Variants in NDST4 observed in about 807,000 individuals in gnomAD.
NDST4 encodes N-deacetylase and N-sulfotransferase 4.
In NDST4, 63 loss-of-function variants were observed where a neutral mutation model predicts 100.8. The ratio of observed to expected loss-of-function variants is 0.62; its 90% CI spans 0.51 to 0.77. NDST4 has a LOEUF of 0.77. Ranked by LOEUF, NDST4 falls within the 30% of genes least tolerant of loss-of-function variation. The pLI is 0.00. For missense variants in NDST4, 943 were observed against 1,018.4 expected (o/e 0.93, Z 1.01); for synonymous variants, 377 against 361.8 (o/e 1.04, Z -0.48).
At chr4:114,951,542 T>C (rs1218188252) in intron 4 of NDST4, among the ~76,000 whole-genome samples, 5 of 152,122 alleles carry the variant, frequency 3.3e-5, no homozygotes, top group Non-Finnish European at 7.4e-5. Context: ...TTTGAAACAC[T>C]TATGTGCCAA....
At chr4:115,030,961 A>T (rs1036756267) in intron 2 of NDST4, among the ~76,000 whole-genome samples, 3 of 152,098 alleles carry the variant, frequency 2.0e-5, no homozygotes, top group African/African-American at 7.2e-5. Context: ...AGCCAATATA[A>T]CTAGTTGAAT....
intron 6 of NDST4, among the ~76,000 whole-genome samples, chr4:114,889,591 A>G (rs2126205448): frequency 6.6e-6 from 1 of 152,358 alleles, no homozygotes; most frequent in South Asian, 2.1e-4. Context: ...AAGGTGCAGC[A>G]AAGTTGATAA....
chr4:114,977,454 A>G (rs181788504), intron 2 of NDST4, among the ~76,000 whole-genome samples, 180 bp from the exon 3 acceptor site: 12 of 152,004 alleles, frequency 7.9e-5, no homozygotes, highest in Admixed American at 2.6e-4. Flanking sequence ...CATTATTTTT[A>G]TTGAAGGTCA....
intron 2 of NDST4, among the ~76,000 whole-genome samples, chr4:115,031,148 C>G (rs563510181): frequency 1.4e-3 from 216 of 152,122 alleles, no homozygotes; most frequent in African/African-American, 4.8e-3. Context: ...TGATTTAATA[C>G]ACATCTTCAA....
At chr4:115,025,548 A>G (rs915572588) in intron 2 of NDST4, among the ~76,000 whole-genome samples, 1 of 152,150 alleles carries the variant, frequency 6.6e-6, no homozygotes, top group Non-Finnish European at 1.5e-5. Context: ...ATTTAAATTT[A>G]TTAGTAGGTT....
At chr4:114,873,502 A>G (rs910298121) in intron 6 of NDST4, among the ~76,000 whole-genome samples, 1 of 151,944 alleles carries the variant, frequency 6.6e-6, no homozygotes, top group Non-Finnish European at 1.5e-5. Context: ...TTTAACTTAA[A>G]TTTCTACCTA....
chr4:114,994,613 G>C (rs1041545957), intron 2 of NDST4, among the ~76,000 whole-genome samples: 11 of 152,012 alleles, frequency 7.2e-5, no homozygotes, highest in Non-Finnish European at 1.5e-4. Flanking sequence ...TCAGTTGACT[G>C]AGATGAATAG....
chr4:114,986,833 T>TATATATA (rs397953439), intron 2 of NDST4, among the ~76,000 whole-genome samples: 1 of 92,922 alleles, frequency 1.1e-5, no homozygotes, highest in East Asian at 3.1e-4. Context: ...TATATATATA[T>TATATATA]TTTAATATAC....
In NDST4 at chr4:114,980,722, T is replaced by C. The variant is rs959606797; in HGVS notation, c.979-3448A>G. ...TTGACAATATACATTATTTATTTAA[T>C]AGTCTGCATGACATAACAAACAATA... On this transcript the variant is annotated intron_variant, in intron 2 of 13. Coordinates refer to ENST00000264363, the MANE Select transcript of NDST4 (RefSeq NM_022569.3). 1.2e-4 allele frequency among the ~76,000 whole-genome samples: 18 copies of C among 152,236 alleles called. No individual in the cohort carries two copies. The East Asian group carries it at 3.3e-3, about 28-fold the overall frequency.
chr4:115,062,404 AAAT>A, intron 2 of NDST4, among the ~76,000 whole-genome samples: 1 of 152,082 alleles, frequency 6.6e-6, no homozygotes, highest in East Asian at 1.9e-4. Context: ...TTTAAATAAT[AAAT>A]AAGGCCAGTA....
chr4:114,953,060 T>C lies in NDST4; in HGVS notation c.1222-15557A>G, dbSNP rs543557740. The stretch of plus-strand genomic sequence containing the variant: ...TTTTTTTTTTTGTGGGAAGGCCTTG[T>C]CCATTTCTCCCAGAGACCATCAGCT... On this transcript the variant is annotated intron_variant, in intron 4 of 13. Coordinates refer to ENST00000264363, the MANE Select transcript of NDST4 (RefSeq NM_022569.3). Among the ~76,000 whole-genome samples the C allele has an allele frequency of 6.0e-5, 9 of 150,678 alleles. No individual in the cohort carries two copies. In the East Asian group the frequency reaches 1.6e-3, roughly 26 times the overall value.
intron 1 of NDST4, among the ~76,000 whole-genome samples, chr4:115,099,009 T>C (rs1729676509): frequency 6.6e-6 from 1 of 152,186 alleles, no homozygotes; most frequent in Non-Finnish European, 1.5e-5. Flanking sequence ...TGCCCAGATG[T>C]CAAGTATCTT....
At chr4:115,094,473 T>A (rs1055122303) in intron 1 of NDST4, among the ~76,000 whole-genome samples, 1 of 152,048 alleles carries the variant, frequency 6.6e-6, no homozygotes, top group East Asian at 1.9e-4. Flanking sequence ...ACAAACAACA[T>A]AATTCATGAA....
chr4:115,016,885 A>C (rs1472727264), intron 2 of NDST4, among the ~76,000 whole-genome samples: 1 of 152,064 alleles, frequency 6.6e-6, no homozygotes, highest in Non-Finnish European at 1.5e-5. Context: ...TAGAATGGGC[A>C]GTAGAAGAAG....
chr4:115,050,702 T>A (rs1260644578), intron 2 of NDST4, among the ~76,000 whole-genome samples: 3 of 152,136 alleles, frequency 2.0e-5, no homozygotes, highest in Non-Finnish European at 4.4e-5. Flanking sequence ...CAGGTACAAC[T>A]GGGAGGAAAC....
intron 2 of NDST4, among the ~76,000 whole-genome samples, chr4:115,006,792 A>G (rs1727429192): frequency 6.6e-6 from 1 of 152,142 alleles, no homozygotes; most frequent in Non-Finnish European, 1.5e-5. Context: ...TTACAGAGAC[A>G]TATGTAGAAT....
At chr4:114,988,989 C>A (rs1447004279) in intron 2 of NDST4, among the ~76,000 whole-genome samples, 4 of 152,092 alleles carry the variant, frequency 2.6e-5, no homozygotes, top group Non-Finnish European at 5.9e-5. Flanking sequence ...TGTGGAAAGT[C>A]TCTCCCTCTG....
chr4:115,067,512 T>C (rs549764028), intron 2 of NDST4, among the ~76,000 whole-genome samples: 2 of 152,066 alleles, frequency 1.3e-5, no homozygotes, highest in Admixed American at 6.5e-5. Flanking sequence ...TTAGTAATAT[T>C]GAGGTTTTTT....
intron 2 of NDST4, among the ~76,000 whole-genome samples, chr4:114,984,992 C>CAAATGCTATAATGT (rs1319949341): frequency 6.6e-6 from 1 of 152,114 alleles, no homozygotes; most frequent in Admixed American, 6.5e-5. Context: ...ATAATGTATA[C>CAAATGCTATAATGT]ATTAACAAAA....
Sources: gnomAD v4.1 joint callset for allele counts (sites outside exome capture counted in the v4.1 genomes callset) on GRCh38, gnomAD v4.1.1 for gene constraint, MANE v1.5 for transcripts, NCBI Gene and HGNC (gene_info 2026-07-23, HGNC 2026-07-21) for gene names.